The following NRP2 variants were observed in gnomAD, a reference collection of about 807,000 sequenced individuals.
The protein encoded by NRP2 is neuropilin 2.
In NRP2, 52 loss-of-function variants were observed where a neutral mutation model predicts 110.4. That is an observed-to-expected ratio of 0.47 (90% CI 0.38 to 0.59). NRP2 has a LOEUF of 0.59. Ranked by LOEUF, NRP2 falls within the 20% of genes least tolerant of loss-of-function variation. NRP2 has a pLI of 0.00. For synonymous variants in NRP2, 508 were observed against 468.9 expected, an observed-to-expected ratio of 1.08 and a Z score of -1.08; for missense variants, 1,049 against 1,203.0, an observed-to-expected ratio of 0.87 and a Z score of 1.89.
At chr2:205,742,520 TG>T (rs1261208390) in intron 8 of NRP2, among the ~76,000 whole-genome samples, 1 of 152,070 alleles carries the variant, frequency 6.6e-6, no homozygotes, top group Non-Finnish European at 1.5e-5. Context: ...CACTTGAGCT[TG>T]GGGGTAAGAA....
At chr2:205,745,596 G>A (rs2057523704) in intron 9 of NRP2, 150 bp from the exon 10 acceptor site, 1 of 817,988 alleles carries the variant, frequency 1.2e-6, no homozygotes, top group Admixed American at 2.0e-5. Context: ...AGCTCGCGTG[G>A]ATCAGAATGT....
chr2:205,771,636 A>T (rs1175284588), intron 15 of NRP2, among the ~76,000 whole-genome samples: 1 of 152,208 alleles, frequency 6.6e-6, no homozygotes, highest in Non-Finnish European at 1.5e-5. Flanking sequence ...CATTTCAGAG[A>T]TTCAGTGAGA....
At chr2:205,718,693 G>A (rs2056951022) in intron 3 of NRP2, among the ~76,000 whole-genome samples, 1 of 152,208 alleles carries the variant, frequency 6.6e-6, no homozygotes, top group African/African-American at 2.4e-5. Context: ...TGTAATCCCA[G>A]CACTTTGGGA....
At chr2:205,731,678 T>G (rs1470591246) in intron 7 of NRP2, among the ~76,000 whole-genome samples, 4 of 152,246 alleles carry the variant, frequency 2.6e-5, no homozygotes, top group African/African-American at 9.6e-5. Context: ...GCTATTCTGA[T>G]GCATTTGGAA....
At chr2:205,727,791 G>A (rs2057155673) in intron 6 of NRP2, 100 bp from the exon 7 acceptor site, 1 of 1,213,384 alleles carries the variant, frequency 8.2e-7, no homozygotes. Context: ...CACAGATACA[G>A]GTTGGAAGCA....
rs144270423 is a variant in NRP2 at position 205,755,797 on chromosome 2, G to A, written c.2044+2822G>A. 1.9e-3 allele frequency among the ~76,000 whole-genome samples: 282 copies of A among 152,196 alleles called. 4 individuals carry two copies. The highest frequency in any genetic ancestry group is 3.4e-3 in the Middle Eastern group (1 of 294). ...ACCGTCCCACTCTTCACGAGCGTGT[G>A]CCATATGCTTCATCCCCTGATGAGA... On this transcript the variant is annotated intron_variant, in intron 12 of 16. Transcript: ENST00000357785.
chr2:205,684,908 T>A (rs1276724199), intron 1 of NRP2, among the ~76,000 whole-genome samples: 1 of 152,088 alleles, frequency 6.6e-6, no homozygotes, highest in Non-Finnish European at 1.5e-5. Flanking sequence ...CCACAGTATA[T>A]TATGTATTCA....
chr2:205,699,478 A>G (rs2056506955), intron 2 of NRP2, among the ~76,000 whole-genome samples: 1 of 152,332 alleles, frequency 6.6e-6, no homozygotes, highest in African/African-American at 2.4e-5. Context: ...AGGTCATCCT[A>G]TGTTGTATTC....
intron 12 of NRP2, chr2:205,761,281 G>T (rs1452957025): frequency 6.6e-6 from 1 of 152,076 alleles, no homozygotes; most frequent in East Asian, 1.9e-4. Flanking sequence ...TTGAGGAGTG[G>T]CATATATATA....
intron 2 of NRP2, among the ~76,000 whole-genome samples, chr2:205,715,812 G>A (rs1014953974): frequency 3.9e-5 from 6 of 152,134 alleles, no homozygotes; most frequent in East Asian, 1.9e-4. Flanking sequence ...GCTCAAAGGG[G>A]TTCAGCAGCT....
intron 13 of NRP2, chr2:205,764,375 C>T (rs542406437): frequency 1.4e-4 from 27 of 189,410 alleles, no homozygotes; most frequent in East Asian, 1.0e-3. Context: ...GGGCTGTTGG[C>T]GCTCAGTGGC....
chr2:205,753,243 A>T (rs2057680465), intron 12 of NRP2, among the ~76,000 whole-genome samples: 1 of 152,230 alleles, frequency 6.6e-6, no homozygotes, highest in Non-Finnish European at 1.5e-5. Flanking sequence ...GAAAGAAAAA[A>T]GGGACAATTG....
chr2:205,779,463 G>T (rs975625907), intron 15 of NRP2: 1 of 152,164 alleles, frequency 6.6e-6, no homozygotes, highest in Admixed American at 6.5e-5. Flanking sequence ...GTTGATAGCC[G>T]ATCTTTAAGA....
chr2:205,722,192 C>T (rs966330305), intron 3 of NRP2: 5 of 470,728 alleles, frequency 1.1e-5, no homozygotes, highest in South Asian at 4.1e-5. Context: ...CACACACACA[C>T]ACACACACAC....
At chr2:205,717,406 C>CAT (rs1281790911) in intron 3 of NRP2, among the ~76,000 whole-genome samples, 2 of 152,282 alleles carry the variant, frequency 1.3e-5, no homozygotes, top group African/African-American at 4.8e-5. Context: ...GGGAACTATT[C>CAT]ATATATATTT....
rs113407305 is a variant in NRP2, at chr2:205,743,580, C to T, written c.1641+28C>T. 342 of 1,611,826 alleles carry T rather than the reference C, an allele frequency of 2.1e-4. 2 individuals carry two copies. The African/African-American group carries it at 3.7e-3, about 17-fold the overall frequency. On this transcript the variant is annotated intron_variant, in intron 9 of 16. Coordinates refer to ENST00000357785, the MANE Select transcript of NRP2 (RefSeq NM_003872.3). ...AGGCTGTTCTTGGAGGCCTCTGTAA[C>T]GTTACCCTCAACAGGGAGGCTAAGT...
chr2:205,752,286 T>C (rs1030818908), intron 11 of NRP2, among the ~76,000 whole-genome samples: 4 of 152,178 alleles, frequency 2.6e-5, no homozygotes, highest in African/African-American at 4.8e-5. Context: ...TCTTCAGAAA[T>C]AGAGACGGAT....
At chr2:205,748,479 A>G (rs1257240566) in intron 10 of NRP2, among the ~76,000 whole-genome samples, 1 of 152,232 alleles carries the variant, frequency 6.6e-6, no homozygotes, top group Non-Finnish European at 1.5e-5. Context: ...CTTCGAGGTT[A>G]TTTGCTATTT....
chr2:205,707,407 T>G lies in NRP2; in HGVS notation c.252-8786T>G, dbSNP rs528385302. On this transcript the variant is annotated intron_variant, in intron 2 of 16. Transcript: ENST00000357785. ...ATCATTTCCACACCATGGTGTTTTT[T>G]GCACAGTAGTGACAAGTTTGCCCCT... Among the ~76,000 whole-genome samples the G allele has an allele frequency of 5.9e-5, 9 of 152,328 alleles. No homozygotes were observed. In the South Asian group the frequency reaches 6.2e-4, roughly 11 times the overall value.
Sources: gnomAD v4.1 joint callset for allele counts (sites outside exome capture counted in the v4.1 genomes callset) on GRCh38, gnomAD v4.1.1 for gene constraint, MANE v1.5 for transcripts, NCBI Gene and HGNC (gene_info 2026-07-23, HGNC 2026-07-21) for gene names.